The following PLCL1 variants were observed in gnomAD, a reference collection of about 807,000 sequenced individuals.
PLCL1 encodes phospholipase C like 1 (inactive), also known as inactive phospholipase C-like protein 1.
A neutral mutation model predicts 84.4 loss-of-function variants in PLCL1; 41 were observed. That is an observed-to-expected ratio of 0.49 (90% CI 0.38 to 0.63). The LOEUF (loss-of-function observed/expected upper bound fraction) is 0.63. Ranked by LOEUF, PLCL1 falls within the 30% of genes least tolerant of loss-of-function variation. The pLI is 0.00. For missense variants in PLCL1, 1,206 were observed against 1,367.8 expected (o/e 0.88, Z 1.87); for synonymous variants, 490 against 488.3 (o/e 1.00, Z -0.05).
intron 1 of PLCL1, among the ~76,000 whole-genome samples, chr2:198,045,067 G>A (rs1450237719): frequency 6.6e-6 from 1 of 152,182 alleles, no homozygotes; most frequent in Non-Finnish European, 1.5e-5. Context: ...TTCTGTAGAA[G>A]ATAAACAATG....
intron 1 of PLCL1, among the ~76,000 whole-genome samples, chr2:198,000,565 T>C (rs1192201657): frequency 6.6e-6 from 1 of 152,070 alleles, no homozygotes; most frequent in African/African-American, 2.4e-5. Context: ...ATTTTTGGGG[T>C]CTTCTGTGTG....
chr2:197,849,362 C>T (rs888807832), intron 1 of PLCL1, among the ~76,000 whole-genome samples: 5 of 151,970 alleles, frequency 3.3e-5, no homozygotes, highest in African/African-American at 9.7e-5. Context: ...GCCTGGGCAA[C>T]GTAGAGAGAC....
intron 1 of PLCL1, among the ~76,000 whole-genome samples, chr2:197,959,755 C>A (rs1689571514): frequency 6.6e-6 from 1 of 151,944 alleles, no homozygotes; most frequent in African/African-American, 2.4e-5. Flanking sequence ...AAAACAACAA[C>A]AAACAAGTGA....
intron 1 of PLCL1, among the ~76,000 whole-genome samples, chr2:198,051,100 A>C (rs1691917373): frequency 6.6e-6 from 1 of 152,232 alleles, no homozygotes; most frequent in Admixed American, 6.5e-5. Flanking sequence ...CACAAAATGA[A>C]GTCAAATTGA....
chr2:197,935,475 G>A (rs1426065118), intron 1 of PLCL1, among the ~76,000 whole-genome samples: 2 of 152,070 alleles, frequency 1.3e-5, no homozygotes, highest in Non-Finnish European at 2.9e-5. Flanking sequence ...AACATAGATG[G>A]AGCCAGAGGC....
intron 4 of PLCL1, among the ~76,000 whole-genome samples, chr2:198,103,410 A>G (rs1483592919): frequency 6.6e-6 from 1 of 152,030 alleles, no homozygotes; most frequent in Non-Finnish European, 1.5e-5. Context: ...CATCCCCTCA[A>G]GCATTTCTCT....
chr2:197,975,229 G>C (rs1689954365), intron 1 of PLCL1, among the ~76,000 whole-genome samples: 1 of 146,698 alleles, frequency 6.8e-6, no homozygotes, highest in African/African-American at 2.5e-5. Flanking sequence ...AATGCCAGTT[G>C]TTTTGCATAG....
intron 1 of PLCL1, among the ~76,000 whole-genome samples, chr2:197,833,445 G>A (rs1358944524): frequency 1.3e-5 from 2 of 152,170 alleles, no homozygotes; most frequent in Non-Finnish European, 2.9e-5. Flanking sequence ...TCTCTGCCCA[G>A]GATCTCCTTA....
At chr2:198,086,328 A>G in intron 2 of PLCL1, 96 bp downstream of exon 2, 1 of 864,406 alleles carries the variant, frequency 1.2e-6, no homozygotes, top group South Asian at 1.8e-5. Context: ...TTTATCAGAA[A>G]GATTGTTTAA....
chr2:198,113,822 C>G (rs1393194051), intron 5 of PLCL1, among the ~76,000 whole-genome samples: 1 of 151,808 alleles, frequency 6.6e-6, no homozygotes, highest in Admixed American at 6.6e-5. Flanking sequence ...GTTATTATAT[C>G]AAATCTGGCC....
intron 1 of PLCL1, among the ~76,000 whole-genome samples, chr2:198,012,310 G>A (rs1440079743): frequency 6.6e-6 from 1 of 152,094 alleles, no homozygotes; most frequent in Non-Finnish European, 1.5e-5. Flanking sequence ...CAGAGCCCAA[G>A]CTGTTTCAGA....
chr2:197,960,091 C>T (rs924204524), intron 1 of PLCL1, among the ~76,000 whole-genome samples: 23 of 152,058 alleles, frequency 1.5e-4, no homozygotes, highest in Non-Finnish European at 2.6e-4. Context: ...TATCACCGTT[C>T]CCAGAGTTCC....
At chr2:197,944,947 A>G (rs1443175344) in intron 1 of PLCL1, among the ~76,000 whole-genome samples, 2 of 152,186 alleles carry the variant, frequency 1.3e-5, no homozygotes, top group African/African-American at 4.8e-5. Flanking sequence ...TGGTTATGGA[A>G]TTTTGAAAGA....
At chr2:198,113,466 A>G (rs976177942) in intron 5 of PLCL1, among the ~76,000 whole-genome samples, 4 of 151,908 alleles carry the variant, frequency 2.6e-5, no homozygotes, top group Non-Finnish European at 4.4e-5. Context: ...GTCATTTAAC[A>G]AGCACATGAT....
intron 1 of PLCL1, among the ~76,000 whole-genome samples, chr2:198,053,071 A>C (rs1466846728): frequency 6.6e-6 from 1 of 152,236 alleles, no homozygotes; most frequent in East Asian, 1.9e-4. Flanking sequence ...CCTGGGCTGC[A>C]GGATAGAACC....
intron 1 of PLCL1, among the ~76,000 whole-genome samples, chr2:198,052,622 A>C (rs916465013): frequency 4.6e-5 from 7 of 152,110 alleles, no homozygotes; most frequent in Admixed American, 6.5e-5. Context: ...TCCTTATTGG[A>C]TATCATAGAA....
intron 1 of PLCL1, among the ~76,000 whole-genome samples, chr2:197,814,282 T>C (rs1690646420): frequency 6.6e-6 from 1 of 152,222 alleles, no homozygotes; most frequent in African/African-American, 2.4e-5. Flanking sequence ...TGTGTCACAT[T>C]TTGGTAATTC....
At position 197,983,143 on chromosome 2, in the gene PLCL1, ATTTTC is replaced by A. The variant is rs1395740637; in HGVS notation, c.241-100604_241-100600del. Among the ~76,000 whole-genome samples the A allele has an allele frequency of 5.5e-5, 7 of 126,832 alleles. No individual in the cohort carries two copies. In the South Asian group the frequency reaches 1.2e-3, roughly 23 times the overall value. 83.2% of individuals were successfully genotyped at this position (126,832 alleles called of 152,430 possible). On this transcript the variant is annotated intron_variant, in intron 1 of 5. Coordinates refer to ENST00000428675, the MANE Select transcript of PLCL1 (RefSeq NM_006226.4). ...AGCTTCTCTTGGGGATTAAATAAGCATTTTCTTTTCTTTTCCTTTCTTTCTTTCTT... is the reference window on the plus strand; with the variant it reads ...AGCTTCTCTTGGGGATTAAATAAGCATTTTCTTTTCCTTTCTTTCTTTCTT...
intron 5 of PLCL1, among the ~76,000 whole-genome samples, chr2:198,145,584 A>C (rs1483486674): frequency 1.3e-5 from 2 of 152,226 alleles, no homozygotes; most frequent in Non-Finnish European, 2.9e-5. Flanking sequence ...CTTGAGAAGA[A>C]GTTCGCTTTA....
Sources: gnomAD v4.1 joint callset for allele counts (sites outside exome capture counted in the v4.1 genomes callset) on GRCh38, gnomAD v4.1.1 for gene constraint, MANE v1.5 for transcripts, NCBI Gene and HGNC (gene_info 2026-07-23, HGNC 2026-07-21) for gene names.